Variants in MEGF11 observed in about 807,000 individuals in gnomAD.
The protein encoded by MEGF11 is multiple epidermal growth factor-like domains protein 11.
A neutral mutation model predicts 146.6 loss-of-function variants in MEGF11; 126 were observed. The ratio of observed to expected loss-of-function variants is 0.86; its 90% CI spans 0.74 to 1.00. The LOEUF (loss-of-function observed/expected upper bound fraction) is 1.00, where lower values mean the gene tolerates loss of function less well. MEGF11 is among the 50% of genes least tolerant of loss of function. MEGF11 has a pLI of 0.00. For missense variants in MEGF11, 1,509 were observed against 1,521.2 expected (o/e 0.99, Z 0.13); for synonymous variants, 532 against 583.4 (o/e 0.91, Z 1.27).
intron 1 of MEGF11, among the ~76,000 whole-genome samples, chr15:66,241,955 A>T (rs1453364141): frequency 6.6e-6 from 1 of 152,246 alleles, no homozygotes; most frequent in Non-Finnish European, 1.5e-5. Context: ...ACACAAGTGG[A>T]AACACAAACA....
At chr15:66,155,482 C>T (rs2089723833) in intron 1 of MEGF11, among the ~76,000 whole-genome samples, 1 of 152,184 alleles carries the variant, frequency 6.6e-6, no homozygotes, top group East Asian at 1.9e-4. Flanking sequence ...TGCTGACTTC[C>T]TCCAGTCTCC....
intron 1 of MEGF11, among the ~76,000 whole-genome samples, chr15:66,184,148 G>T: frequency 6.6e-6 from 1 of 152,104 alleles, no homozygotes; most frequent in East Asian, 1.9e-4. Context: ...TTATTATGGC[G>T]ATGGTTTCCT....
At chr15:66,252,605 C>T (rs2092391475) in intron 1 of MEGF11, among the ~76,000 whole-genome samples, 1 of 152,214 alleles carries the variant, frequency 6.6e-6, no homozygotes, top group African/African-American at 2.4e-5. Context: ...CTGGGCACCG[C>T]CACGCCGAGG....
intron 5 of MEGF11, among the ~76,000 whole-genome samples, chr15:66,024,356 C>T (rs2083259428): frequency 6.6e-6 from 1 of 152,238 alleles, no homozygotes; most frequent in Non-Finnish European, 1.5e-5. Context: ...CTGACCTTCA[C>T]ACAAGTCTGG....
chr15:66,180,977 C>T (rs1403226970), intron 1 of MEGF11, among the ~76,000 whole-genome samples: 7 of 152,318 alleles, frequency 4.6e-5, no homozygotes, highest in South Asian at 2.1e-4. Context: ...CCTCCGGCTG[C>T]GCTCATTTAC....
chr15:65,914,035 C>T (rs1436835449), intron 19 of MEGF11, 62 bp from the exon 20 acceptor site: 5 of 1,383,248 alleles, frequency 3.6e-6, no homozygotes, highest in Non-Finnish European at 5.1e-6. Context: ...GTCTCCTGGG[C>T]CTGGGTTCAG....
At chr15:65,957,444 G>T (rs2080694144) in intron 10 of MEGF11, 103 bp downstream of exon 10, 3 of 1,131,962 alleles carry the variant, frequency 2.7e-6, no homozygotes, top group East Asian at 2.6e-5. Flanking sequence ...GCGGACACAA[G>T]GAGGCAGCTG....
intron 7 of MEGF11, among the ~76,000 whole-genome samples, chr15:65,973,702 G>A (rs998983823): frequency 4.6e-5 from 7 of 152,212 alleles, no homozygotes; most frequent in South Asian, 2.1e-4. Context: ...GAGGGGTTGC[G>A]TGTTTGTATG....
chr15:66,226,822 C>T (rs570635774), intron 1 of MEGF11, among the ~76,000 whole-genome samples: 13 of 152,172 alleles, frequency 8.5e-5, no homozygotes, highest in East Asian at 1.9e-4. Flanking sequence ...CACAAACACA[C>T]GTGTGTTCAC....
At chr15:66,057,040 GC>G (rs1319137350) in intron 5 of MEGF11, among the ~76,000 whole-genome samples, 1 of 152,122 alleles carries the variant, frequency 6.6e-6, no homozygotes, top group Non-Finnish European at 1.5e-5. Flanking sequence ...AAGATTTTGG[GC>G]CCTTCAGATG....
intron 24 of MEGF11, among the ~76,000 whole-genome samples, 175 bp from the exon 25 acceptor site, chr15:65,899,109 CA>C (rs2078429452): frequency 1.3e-5 from 2 of 152,184 alleles, no homozygotes; most frequent in Admixed American, 1.3e-4. Flanking sequence ...CCCAGGTAGG[CA>C]GAGTTCTTTT....
At chr15:66,007,474 G>A (rs2082553915) in intron 5 of MEGF11, among the ~76,000 whole-genome samples, 1 of 152,204 alleles carries the variant, frequency 6.6e-6, no homozygotes, top group Non-Finnish European at 1.5e-5. Flanking sequence ...CCCAGGCTGG[G>A]TGTGGTGGCT....
intron 5 of MEGF11, among the ~76,000 whole-genome samples, chr15:66,077,166 C>T (rs2085626415): frequency 6.6e-6 from 1 of 152,176 alleles, no homozygotes; most frequent in African/African-American, 2.4e-5. Flanking sequence ...CAGCCTGGCT[C>T]CCACTCCTCT....
intron 23 of MEGF11, among the ~76,000 whole-genome samples, chr15:65,907,652 C>T (rs1247090683): frequency 6.6e-6 from 1 of 152,178 alleles, no homozygotes; most frequent in Non-Finnish European, 1.5e-5. Flanking sequence ...CAGAATCATG[C>T]CTGCAACTGC....
intron 15 of MEGF11, among the ~76,000 whole-genome samples, chr15:65,920,421 C>A (rs2141245969): frequency 6.6e-6 from 1 of 152,340 alleles, no homozygotes; most frequent in Middle Eastern, 3.4e-3. Context: ...GAACCCATCC[C>A]CAAGTCCTGG....
intron 5 of MEGF11, among the ~76,000 whole-genome samples, chr15:65,995,339 C>T (rs1261195180): frequency 6.6e-6 from 1 of 152,226 alleles, no homozygotes; most frequent in Non-Finnish European, 1.5e-5. Flanking sequence ...CCTCACTGAG[C>T]ATGACTCCTG....
chr15:66,219,811 T>A (rs1369572435), intron 1 of MEGF11, among the ~76,000 whole-genome samples: 1 of 152,202 alleles, frequency 6.6e-6, no homozygotes, highest in Non-Finnish European at 1.5e-5. Context: ...AGAAAGTTTA[T>A]AGCAGCCTTA....
chr15:65,906,749 A>G (rs2078641018), intron 23 of MEGF11: 1 of 152,230 alleles, frequency 6.6e-6, no homozygotes, highest in African/African-American at 2.4e-5. Context: ...ATGTACAGAC[A>G]TTCCCTCCCA....
At chr15:66,024,878 G>C (rs1306839640) in intron 5 of MEGF11, among the ~76,000 whole-genome samples, 2 of 152,162 alleles carry the variant, frequency 1.3e-5, no homozygotes, top group East Asian at 3.9e-4. Flanking sequence ...GGCCAGAGGC[G>C]AACTGGGTCC....
Sources: gnomAD v4.1 joint callset for allele counts (sites outside exome capture counted in the v4.1 genomes callset) on GRCh38, gnomAD v4.1.1 for gene constraint, MANE v1.5 for transcripts, NCBI Gene and HGNC (gene_info 2026-07-23, HGNC 2026-07-21) for gene names.